EFNA5: variants seen among roughly 807,000 people sequenced by gnomAD.
EFNA5 encodes the protein ephrin-A5.
A neutral mutation model predicts 22.9 loss-of-function variants in EFNA5; 5 were observed. That is an observed-to-expected ratio of 0.22 (90% CI 0.11 to 0.46). The LOEUF is 0.46. EFNA5 is among the 20% of genes least tolerant of loss of function. EFNA5 has a pLI of 0.99. For synonymous variants in EFNA5, 113 were observed against 112.2 expected (o/e 1.01, Z -0.04); for missense variants, 237 against 293.3 (o/e 0.81, Z 1.40).
intron 1 of EFNA5, among the ~76,000 whole-genome samples, chr5:107,648,205 A>G (rs547826719): frequency 2.2e-4 from 33 of 152,298 alleles, no homozygotes; most frequent in Non-Finnish European, 3.5e-4. Context: ...TGAAAAGTTC[A>G]TTTCATATTA....
chr5:107,514,548 C>G (rs1052233029), intron 1 of EFNA5, among the ~76,000 whole-genome samples: 4 of 152,054 alleles, frequency 2.6e-5, no homozygotes, highest in African/African-American at 4.8e-5. Context: ...GTGGGAGACC[C>G]AAGGAAGCTG....
intron 1 of EFNA5, among the ~76,000 whole-genome samples, chr5:107,569,893 G>A (rs1254271348): frequency 2.0e-5 from 3 of 148,602 alleles, no homozygotes; most frequent in Non-Finnish European, 3.0e-5. Flanking sequence ...TCTACAAAAG[G>A]ACAGTGAACT....
chr5:107,486,054 C>A (rs114109816), intron 1 of EFNA5, among the ~76,000 whole-genome samples: 1 of 152,018 alleles, frequency 6.6e-6, no homozygotes, highest in Non-Finnish European at 1.5e-5. Flanking sequence ...TAGGCTGAGA[C>A]GAGAAATGAG....
chr5:107,598,260 T>C (rs1414296054), intron 1 of EFNA5, among the ~76,000 whole-genome samples: 1 of 151,930 alleles, frequency 6.6e-6, no homozygotes, highest in Non-Finnish European at 1.5e-5. Flanking sequence ...ATCAGAGGAG[T>C]TAAATAATTT....
At chr5:107,616,020 A>C (rs181117698) in intron 1 of EFNA5, among the ~76,000 whole-genome samples, 206 of 152,340 alleles carry the variant, frequency 1.4e-3, no homozygotes, top group African/African-American at 4.8e-3. Context: ...ATTATATTTT[A>C]AGCAGGGGGT....
chr5:107,563,933 C>T (rs1315915026), intron 1 of EFNA5, among the ~76,000 whole-genome samples: 1 of 152,222 alleles, frequency 6.6e-6, no homozygotes, highest in Non-Finnish European at 1.5e-5. Context: ...CCTCTACCTT[C>T]CTGGTACAAA....
chr5:107,576,850 G>A (rs901004111), intron 1 of EFNA5, among the ~76,000 whole-genome samples: 1 of 152,140 alleles, frequency 6.6e-6, no homozygotes, highest in Non-Finnish European at 1.5e-5. Context: ...CAATACTAAG[G>A]TGTGATGAAA....
intron 1 of EFNA5, among the ~76,000 whole-genome samples, chr5:107,477,371 CTT>C (rs1425403718): frequency 6.6e-6 from 1 of 152,154 alleles, no homozygotes; most frequent in Non-Finnish European, 1.5e-5. Flanking sequence ...AAACTCTTAT[CTT>C]TCTGGACTGT....
chr5:107,649,966 C>T (rs934184176), intron 1 of EFNA5, among the ~76,000 whole-genome samples: 1 of 152,110 alleles, frequency 6.6e-6, no homozygotes, highest in Non-Finnish European at 1.5e-5. Context: ...CCAGAACCAA[C>T]CCACCTCAAG....
At chr5:107,485,068 CA>C (rs1159972528) in intron 1 of EFNA5, among the ~76,000 whole-genome samples, 1 of 151,634 alleles carries the variant, frequency 6.6e-6, no homozygotes, top group Non-Finnish European at 1.5e-5. Context: ...AAAAACAAAG[CA>C]GATTTTTTTA....
intron 1 of EFNA5, among the ~76,000 whole-genome samples, chr5:107,496,132 C>G (rs974243695): frequency 1.1e-4 from 16 of 143,622 alleles, no homozygotes; most frequent in Non-Finnish European, 1.8e-4. Context: ...TCGAGACCAG[C>G]TTGGCCAACA....
At chr5:107,561,777 G>A (rs1279022706) in intron 1 of EFNA5, among the ~76,000 whole-genome samples, 1 of 152,162 alleles carries the variant, frequency 6.6e-6, no homozygotes, top group African/African-American at 2.4e-5. Context: ...TAAACAGATA[G>A]TGGACATTAA....
chr5:107,517,729 G>A lies in EFNA5; in HGVS notation c.126-90220C>T, dbSNP rs114013319. On this transcript the variant is annotated intron_variant, in intron 1 of 4. Coordinates refer to ENST00000333274, the MANE Select transcript of EFNA5 (RefSeq NM_001962.3). ...TATATTATGCAATGTATGTGATAAT[G>A]TGTGAGAACAAACGAAGCAGGCTAC... Among the ~76,000 whole-genome samples, 446 of 152,326 alleles carry A rather than the reference G, an allele frequency of 2.9e-3. 1 individual carries two copies. The highest frequency in any genetic ancestry group is 0.01 in the African/African-American group (427 of 41,594).
intron 2 of EFNA5, among the ~76,000 whole-genome samples, chr5:107,424,355 T>G (rs1206858898): frequency 1.3e-5 from 2 of 151,002 alleles, no homozygotes; most frequent in Non-Finnish European, 3.0e-5. Context: ...TACAGGCTCC[T>G]GCCACCATGC....
rs141918631 is a variant in EFNA5, at chr5:107,661,549, G to A, written c.125+8940C>T. The stretch of plus-strand genomic sequence containing the variant: ...TCAGAGGTCACCGCTTCCACATTCC[G>A]ACATCTGTCTGTATTTTCTTGCCCT... On this transcript the variant is annotated intron_variant, in intron 1 of 4. Coordinates refer to ENST00000333274, the MANE Select transcript of EFNA5 (RefSeq NM_001962.3). 4.3e-3 allele frequency among the ~76,000 whole-genome samples: 655 copies of A among 152,284 alleles called. 2 individuals are homozygous for A. The highest frequency in any genetic ancestry group is 0.012 in the East Asian group (64 of 5,184).
At chr5:107,445,429 T>G (rs938171155) in intron 1 of EFNA5, among the ~76,000 whole-genome samples, 5 of 152,208 alleles carry the variant, frequency 3.3e-5, no homozygotes, top group Non-Finnish European at 7.3e-5. Flanking sequence ...CTATTCCTTC[T>G]GGTTTTCACT....
intron 1 of EFNA5, among the ~76,000 whole-genome samples, chr5:107,438,912 A>G (rs1478214394): frequency 6.6e-6 from 1 of 152,228 alleles, no homozygotes; most frequent in Non-Finnish European, 1.5e-5. Flanking sequence ...AACCATCATC[A>G]GAATGTGTTA....
At chr5:107,513,431 A>G (rs1436312540) in intron 1 of EFNA5, among the ~76,000 whole-genome samples, 1 of 152,054 alleles carries the variant, frequency 6.6e-6, no homozygotes, top group Non-Finnish European at 1.5e-5. Context: ...AGGAATGGGT[A>G]CTCTCCCACT....
intron 1 of EFNA5, among the ~76,000 whole-genome samples, chr5:107,452,216 G>A (rs1274661008): frequency 6.6e-6 from 1 of 152,072 alleles, no homozygotes; most frequent in Non-Finnish European, 1.5e-5. Flanking sequence ...CTTTTACCGG[G>A]GTTGGGGGTG....
Sources: allele counts gnomAD v4.1 joint callset (sites outside exome capture counted in the v4.1 genomes callset), GRCh38; gene constraint gnomAD v4.1.1; transcripts MANE v1.5; gene names NCBI Gene and HGNC (gene_info 2026-07-23, HGNC 2026-07-21).